PALM2AKAP2: variants seen among roughly 807,000 people sequenced by gnomAD.
PALM2AKAP2 encodes the protein PALM2 and AKAP2 fusion.
In PALM2AKAP2, 37 loss-of-function variants were observed where a neutral mutation model predicts 71.5. That is an observed-to-expected ratio of 0.52 (90% CI 0.40 to 0.68). PALM2AKAP2 has a LOEUF of 0.68. Ranked by LOEUF, PALM2AKAP2 falls within the 30% of genes least tolerant of loss-of-function variation. The probability of loss-of-function intolerance (pLI) is 0.00; values close to 1 mark genes in which losing one functional copy is unlikely to be tolerated. For missense variants in PALM2AKAP2, 1,224 were observed against 1,191.8 expected, an observed-to-expected ratio of 1.03 and a Z score of -0.40; for synonymous variants, 468 against 478.8, an observed-to-expected ratio of 0.98 and a Z score of 0.29.
intron 1 of PALM2AKAP2, among the ~76,000 whole-genome samples, chr9:109,662,971 T>A (rs941154699): frequency 1.3e-5 from 2 of 152,354 alleles, no homozygotes; most frequent in Non-Finnish European, 2.9e-5. Flanking sequence ...GTTTATAGTA[T>A]TCTCTGATGA....
chr9:109,826,286 G>A (rs1361970852), intron 1 of PALM2AKAP2, among the ~76,000 whole-genome samples: 1 of 152,050 alleles, frequency 6.6e-6, no homozygotes, highest in Non-Finnish European at 1.5e-5. Context: ...ACTGGGTGCA[G>A]CACACCAACA....
chr9:109,795,263 A>T (rs1827221153), intron 1 of PALM2AKAP2, among the ~76,000 whole-genome samples: 1 of 152,170 alleles, frequency 6.6e-6, no homozygotes. Context: ...CCCTTTGAAA[A>T]TCACTGATGT....
chr9:110,136,659 A>T (rs1835879996), exon 2 of PALM2AKAP2: 2 of 1,614,068 alleles, frequency 1.2e-6, no homozygotes, highest in Non-Finnish European at 1.7e-6. Flanking sequence ...CAGCCTAGAG[A>T]TGCGCTGGGG....
intron 7 of PALM2AKAP2, among the ~76,000 whole-genome samples, chr9:110,028,298 T>C (rs1833217080): frequency 6.6e-6 from 1 of 152,250 alleles, no homozygotes; most frequent in African/African-American, 2.4e-5. Flanking sequence ...TTGACAGCTT[T>C]CAATAATCTA....
chr9:110,111,123 G>T (rs1486405306), intron 1 of PALM2AKAP2, among the ~76,000 whole-genome samples: 3 of 92,514 alleles, frequency 3.2e-5, no homozygotes, highest in Non-Finnish European at 5.8e-5. Flanking sequence ...ACGGAGTCTT[G>T]CTCTGTCACC....
intron 1 of PALM2AKAP2, among the ~76,000 whole-genome samples, chr9:109,711,865 C>T (rs1486224276): frequency 6.6e-6 from 1 of 152,162 alleles, no homozygotes; most frequent in Non-Finnish European, 1.5e-5. Context: ...CCATTTCTTT[C>T]AGAGCAGGAG....
At chr9:109,648,035 T>C (rs1827177392) in intron 1 of PALM2AKAP2, among the ~76,000 whole-genome samples, 2 of 152,322 alleles carry the variant, frequency 1.3e-5, no homozygotes, top group Admixed American at 1.3e-4. Flanking sequence ...GACTGGATTA[T>C]GGGGATGGTT....
At chr9:110,087,125 C>T (rs1271270134) in intron 1 of PALM2AKAP2, among the ~76,000 whole-genome samples, 1 of 152,216 alleles carries the variant, frequency 6.6e-6, no homozygotes, top group Non-Finnish European at 1.5e-5. Context: ...ATTCTCTCCA[C>T]CATGCTGGTC....
At chr9:109,719,021 G>A (rs571452486) in intron 1 of PALM2AKAP2, among the ~76,000 whole-genome samples, 2 of 152,244 alleles carry the variant, frequency 1.3e-5, no homozygotes, top group East Asian at 3.9e-4. Flanking sequence ...ACTAACAGGA[G>A]TAAAATAAAA....
chr9:110,072,275 C>G (rs116499593), intron 1 of PALM2AKAP2, among the ~76,000 whole-genome samples: 2,036 of 152,298 alleles, frequency 0.013, 38 homozygotes, highest in African/African-American at 0.047. Flanking sequence ...ATAACCCAAA[C>G]TCAAGCTGCC....
At chr9:109,748,099 A>T (rs1828830911) in intron 1 of PALM2AKAP2, among the ~76,000 whole-genome samples, 1 of 152,182 alleles carries the variant, frequency 6.6e-6, no homozygotes, top group Non-Finnish European at 1.5e-5. Flanking sequence ...CCACCTTCTT[A>T]TATGTATGTT....
intron 1 of PALM2AKAP2, among the ~76,000 whole-genome samples, chr9:109,751,161 T>A (rs1261892246): frequency 6.6e-6 from 1 of 152,210 alleles, no homozygotes; most frequent in Non-Finnish European, 1.5e-5. Context: ...TCAGAAAATG[T>A]CTAAACTGAG....
At chr9:110,160,596 A>G (rs994628508) in intron 3 of PALM2AKAP2, among the ~76,000 whole-genome samples, 2 of 152,204 alleles carry the variant, frequency 1.3e-5, no homozygotes, top group African/African-American at 2.4e-5. Context: ...CCTGAGTGAC[A>G]TGACTGTATT....
intron 1 of PALM2AKAP2, among the ~76,000 whole-genome samples, chr9:109,768,010 T>TGGG (rs1829186909): frequency 4.9e-5 from 5 of 102,844 alleles, no homozygotes; most frequent in African/African-American, 1.9e-4. Context: ...GGCAGGTAGG[T>TGGG]AGGAAGAAAG....
At chr9:109,704,210 G>T (rs529030470) in intron 1 of PALM2AKAP2, among the ~76,000 whole-genome samples, 1 of 152,230 alleles carries the variant, frequency 6.6e-6, no homozygotes, top group Non-Finnish European at 1.5e-5. Context: ...TACCAGCTGG[G>T]CAGGTGGGTT....
At chr9:109,944,873 G>A (rs1831465438) in intron 6 of PALM2AKAP2, 1 of 152,026 alleles carries the variant, frequency 6.6e-6, no homozygotes, top group South Asian at 2.1e-4. Flanking sequence ...CATGATTACT[G>A]GTTTTAATAA....
intron 1 of PALM2AKAP2, among the ~76,000 whole-genome samples, chr9:109,791,597 T>C (rs1459586625): frequency 6.6e-6 from 1 of 152,176 alleles, no homozygotes; most frequent in Non-Finnish European, 1.5e-5. Flanking sequence ...AGGGAAGGGC[T>C]CCCAGTTCCG....
At chr9:109,760,100 C>A (rs1329847308) in intron 1 of PALM2AKAP2, among the ~76,000 whole-genome samples, 1 of 152,128 alleles carries the variant, frequency 6.6e-6, no homozygotes, top group Non-Finnish European at 1.5e-5. Flanking sequence ...TCGATTTTTG[C>A]CCCTATAGTT....
intron 2 of PALM2AKAP2, among the ~76,000 whole-genome samples, chr9:110,149,185 A>G (rs1171706100): frequency 6.6e-6 from 1 of 152,202 alleles, no homozygotes; most frequent in Non-Finnish European, 1.5e-5. Flanking sequence ...ATGCTTTCCC[A>G]CTCATGATGG....
Sources: allele counts gnomAD v4.1 joint callset (sites outside exome capture counted in the v4.1 genomes callset), GRCh38; gene constraint gnomAD v4.1.1; transcripts MANE v1.5; gene names NCBI Gene and HGNC (gene_info 2026-07-23, HGNC 2026-07-21).